LRRC3B: variants seen among roughly 807,000 people sequenced by gnomAD.
LRRC3B encodes the protein leucine-rich repeat-containing protein 3B.
Under a neutral mutation model 12.8 loss-of-function variants are expected in LRRC3B, and 2 were observed. The ratio of observed to expected loss-of-function variants is 0.16; its 90% CI spans 0.06 to 0.49. The LOEUF (loss-of-function observed/expected upper bound fraction) is 0.49. Among genes scored for constraint, LRRC3B ranks in the 20% least tolerant of loss-of-function variants. LRRC3B has a pLI of 0.96. For missense variants in LRRC3B, 189 were observed against 319.4 expected (o/e 0.59, Z 3.11); for synonymous variants, 132 against 122.0 (o/e 1.08, Z -0.54).
At chr3:26,646,536 T>C (rs1699147368) in intron 1 of LRRC3B, among the ~76,000 whole-genome samples, 1 of 144,242 alleles carries the variant, frequency 6.9e-6, no homozygotes, top group South Asian at 2.3e-4. Flanking sequence ...GCTTTGAATT[T>C]ACCCCAGAGT....
At chr3:26,659,190 C>T (rs754924236) in intron 1 of LRRC3B, among the ~76,000 whole-genome samples, 3 of 152,288 alleles carry the variant, frequency 2.0e-5, no homozygotes, top group Non-Finnish European at 4.4e-5. Context: ...GAAGTAGGTA[C>T]TATTATTGTC....
Position 26,697,966 on chromosome 3 carries a change from T to C in LRRC3B, c.-160-11547T>C, listed in dbSNP as rs981956504. 9.8e-5 allele frequency among the ~76,000 whole-genome samples: 15 copies of C among 152,318 alleles called. No homozygotes were observed. In the South Asian group the frequency reaches 1.0e-3, roughly 11 times the overall value. ...TATGATTCTGATTTACCTATGTCTC[T>C]GAACGTGGATCCCTCTTGGAATAAC... On this transcript the variant is annotated intron_variant, in intron 1 of 1. Coordinates refer to ENST00000396641, the Ensembl canonical transcript of LRRC3B.
At chr3:26,678,014 G>T (rs1224636550) in intron 1 of LRRC3B, among the ~76,000 whole-genome samples, 2 of 151,830 alleles carry the variant, frequency 1.3e-5, no homozygotes, top group African/African-American at 2.4e-5. Context: ...ACGAGATCTC[G>T]CCATGTTGCC....
chr3:26,648,919 G>A lies in LRRC3B; in HGVS notation c.-161+25682G>A, dbSNP rs1699209472. On this transcript the variant is annotated intron_variant, in intron 1 of 1. Transcript: ENST00000396641. ...CTCAAAGCTTACATTCCTCCCTTGAGGCAACTCAAAAATAAGAATGGGGCA... is the reference window on the plus strand; with the variant it reads ...CTCAAAGCTTACATTCCTCCCTTGAAGCAACTCAAAAATAAGAATGGGGCA... 2.0e-5 allele frequency among the ~76,000 whole-genome samples: 3 copies of A among 152,234 alleles called. No individual in the cohort carries two copies. The South Asian group carries it at 6.2e-4, about 32-fold the overall frequency.
intron 1 of LRRC3B, among the ~76,000 whole-genome samples, chr3:26,664,354 T>C (rs1699555006): frequency 6.6e-6 from 1 of 152,080 alleles, no homozygotes; most frequent in Admixed American, 6.6e-5. Flanking sequence ...TCCTTTCAGG[T>C]GTCTGTCCCC....
rs140441951 is a variant in LRRC3B, at chr3:26,638,093, C to T, written c.-161+14856C>T. Among the ~76,000 whole-genome samples the T allele has an allele frequency of 2.3e-3, 353 of 152,158 alleles. 2 individuals carry two copies. Among genetic ancestry groups the T allele is most frequent in the African/African-American group, 8.1e-3 (338 of 41,514 alleles). On this transcript the variant is annotated intron_variant, in intron 1 of 1. Transcript: ENST00000396641. ...ACAAACAAGTATGAATAAGGAATTCCACAAAGCATTGTAGATGTCTAAATA... is the reference window on the plus strand; with the variant it reads ...ACAAACAAGTATGAATAAGGAATTCTACAAAGCATTGTAGATGTCTAAATA...
rs372629683 is a variant in LRRC3B at position 26,691,105 on chromosome 3, G to GTGTGTA, written c.-160-18407_-160-18406insGTGTAT. ...TGTGTGTGTATATGTGTGTGTGTGT[G>GTGTGTA]TATATATATATATATATATATATAT... On this transcript the variant is annotated intron_variant, in intron 1 of 1. Transcript: ENST00000396641. Among the ~76,000 whole-genome samples, 40 of 84,832 alleles carry GTGTGTA rather than the reference G, an allele frequency of 4.7e-4. 1 individual carries two copies. The highest frequency in any genetic ancestry group is 3.4e-3 in the East Asian group (6 of 1,774). 55.7% of individuals were successfully genotyped at this position (84,832 alleles called of 152,430 possible). A position where few individuals can be genotyped will look rare whatever the true frequency, so the allele number is the denominator to read the frequency against.
At chr3:26,669,755 G>A (rs536813468) in intron 1 of LRRC3B, among the ~76,000 whole-genome samples, 11 of 152,258 alleles carry the variant, frequency 7.2e-5, no homozygotes, top group East Asian at 5.8e-4. Context: ...TATGGTTGCC[G>A]GTGAAAGATG....
chr3:26,645,809 G>T (rs1699131868), intron 1 of LRRC3B, among the ~76,000 whole-genome samples: 1 of 152,154 alleles, frequency 6.6e-6, no homozygotes, highest in African/African-American at 2.4e-5. Flanking sequence ...AGTGATTGAG[G>T]ATGGGTTCTC....
intron 1 of LRRC3B, among the ~76,000 whole-genome samples, chr3:26,707,564 C>G (rs1190549740): frequency 1.3e-5 from 2 of 152,086 alleles, no homozygotes; most frequent in Non-Finnish European, 2.9e-5. Context: ...TATGAAGTGT[C>G]CTCCAGAAAA....
chr3:26,694,521 A>ATATT (rs1370889945), intron 1 of LRRC3B: 1 of 152,220 alleles, frequency 6.6e-6, no homozygotes, highest in African/African-American at 2.4e-5. Flanking sequence ...AGAGCTAATA[A>ATATT]TATTTGCCAA....
chr3:26,700,564 A>C (rs1355969249), intron 1 of LRRC3B, among the ~76,000 whole-genome samples: 1 of 152,182 alleles, frequency 6.6e-6, no homozygotes, highest in Non-Finnish European at 1.5e-5. Context: ...GAAAGCATGC[A>C]TGTGAACTTG....
chr3:26,646,510 A>C (rs77624203), intron 1 of LRRC3B, among the ~76,000 whole-genome samples: 13,438 of 148,804 alleles, frequency 0.09, 772 homozygotes, highest in South Asian at 0.2. Flanking sequence ...TCTGATAATT[A>C]TATTCTATCT....
At chr3:26,639,811 TC>T (rs1395292873) in intron 1 of LRRC3B, among the ~76,000 whole-genome samples, 1 of 152,180 alleles carries the variant, frequency 6.6e-6, no homozygotes, top group East Asian at 1.9e-4. Context: ...CTAATATTTT[TC>T]CAAAAATCTC....
chr3:26,632,826 G>A (rs1485498316), intron 1 of LRRC3B, among the ~76,000 whole-genome samples: 5 of 152,008 alleles, frequency 3.3e-5, no homozygotes, highest in Admixed American at 1.3e-4. Context: ...GTTACCTGTC[G>A]CTTTACCTGC....
intron 1 of LRRC3B, among the ~76,000 whole-genome samples, chr3:26,678,906 A>G (rs1699916526): frequency 6.6e-6 from 1 of 152,150 alleles, no homozygotes; most frequent in African/African-American, 2.4e-5. Flanking sequence ...AAAAAAGTGA[A>G]AACTGGAATT....
chr3:26,699,079 G>A (rs984355214), intron 1 of LRRC3B, among the ~76,000 whole-genome samples: 5 of 151,878 alleles, frequency 3.3e-5, no homozygotes, highest in African/African-American at 9.7e-5. Flanking sequence ...TTTCTTCAGT[G>A]AAATTTCAAA....
intron 1 of LRRC3B, among the ~76,000 whole-genome samples, chr3:26,639,905 A>G (rs1698986756): frequency 6.6e-6 from 1 of 152,156 alleles, no homozygotes; most frequent in South Asian, 2.1e-4. Context: ...ATCCAGAGAC[A>G]CCACATGGTC....
intron 1 of LRRC3B, among the ~76,000 whole-genome samples, chr3:26,683,769 TG>T (rs1279110688): frequency 6.6e-6 from 1 of 152,260 alleles, no homozygotes; most frequent in Non-Finnish European, 1.5e-5. Flanking sequence ...TTCCATTTTC[TG>T]TCTACCTCCC....
Sources: allele counts gnomAD v4.1 joint callset (sites outside exome capture counted in the v4.1 genomes callset), GRCh38; gene constraint gnomAD v4.1.1; transcripts MANE v1.5; gene names NCBI Gene and HGNC (gene_info 2026-07-23, HGNC 2026-07-21).